Variants in TARBP1 observed in about 807,000 individuals in gnomAD.
The protein encoded by TARBP1 is tRNA guanosine 2 -O-methyltransferase TARBP1, also known as tRNA (guanosine(18)-2'-O)-methyltransferase TARBP1.
In TARBP1, 144 loss-of-function variants were observed where a neutral mutation model predicts 178.6. The ratio of observed to expected loss-of-function variants is 0.81; its 90% CI spans 0.70 to 0.93. TARBP1 has a LOEUF of 0.93. Among genes scored for constraint, TARBP1 ranks in the 40% least tolerant of loss-of-function variants. The pLI is 0.00. For missense variants in TARBP1, 2,067 were observed against 2,011.7 expected (o/e 1.03, Z -0.53); for synonymous variants, 787 against 781.0 (o/e 1.01, Z -0.13).
intron 24 of TARBP1, among the ~76,000 whole-genome samples, chr1:234,404,533 A>G (rs1661018927): frequency 6.6e-6 from 1 of 152,240 alleles, no homozygotes; most frequent in South Asian, 2.1e-4. Flanking sequence ...CCAAGGAGAA[A>G]TAAGACATTT....
intron 6 of TARBP1, among the ~76,000 whole-genome samples, chr1:234,460,675 C>T (rs1305648495): frequency 2.0e-5 from 3 of 152,118 alleles, no homozygotes; most frequent in South Asian, 2.1e-4. Context: ...CCACATGATC[C>T]GGTAATTCTA....
chr1:234,443,731 C>A (rs1278874017), intron 12 of TARBP1, among the ~76,000 whole-genome samples: 1 of 152,098 alleles, frequency 6.6e-6, no homozygotes, highest in Non-Finnish European at 1.5e-5. Flanking sequence ...GAATGGATAA[C>A]CAATTATAAT....
chr1:234,438,624 C>G (rs969296344), intron 12 of TARBP1, among the ~76,000 whole-genome samples: 2 of 152,110 alleles, frequency 1.3e-5, no homozygotes, highest in Admixed American at 6.5e-5. Flanking sequence ...AAATAAGAAG[C>G]AGAACTAGAC....
intron 9 of TARBP1, among the ~76,000 whole-genome samples, chr1:234,453,936 A>G (rs946225546): frequency 6.6e-6 from 1 of 152,182 alleles, no homozygotes; most frequent in Admixed American, 6.5e-5. Flanking sequence ...GAGACAGGCA[A>G]AACAAACGAA....
chr1:234,475,604 C>T (rs557590549), intron 1 of TARBP1, among the ~76,000 whole-genome samples: 5 of 152,322 alleles, frequency 3.3e-5, no homozygotes, highest in Non-Finnish European at 5.9e-5. Context: ...TTGGAGGCAA[C>T]GATTATTGCC....
chr1:234,477,722 A>G (rs1034803191), intron 1 of TARBP1, among the ~76,000 whole-genome samples: 8 of 152,264 alleles, frequency 5.3e-5, no homozygotes, highest in African/African-American at 1.9e-4. Flanking sequence ...GAAATTTCAG[A>G]AGAGTGTGAT....
At chr1:234,427,835 G>C in intron 17 of TARBP1, 69 bp from the exon 18 acceptor site, 3 of 1,130,824 alleles carry the variant, frequency 2.7e-6, no homozygotes, top group Non-Finnish European at 3.5e-6. Flanking sequence ...GCTAAAAACT[G>C]TTACTTAGTT....
chr1:234,396,520 A>AG (rs1659949907), intron 26 of TARBP1, among the ~76,000 whole-genome samples: 1 of 152,150 alleles, frequency 6.6e-6, no homozygotes, highest in Non-Finnish European at 1.5e-5. Context: ...ACACTGTGTT[A>AG]GGTACGTGCT....
intron 22 of TARBP1, among the ~76,000 whole-genome samples, chr1:234,414,416 T>C (rs1037903309): frequency 1.3e-5 from 2 of 152,098 alleles, no homozygotes; most frequent in African/African-American, 2.4e-5. Flanking sequence ...AAAAAAAGCC[T>C]AGCTCTAGAG....
Position 234,465,508 on chromosome 1 carries a change from A to T in TARBP1, c.1301+148T>A, listed in dbSNP as rs1043874959. On this transcript the variant is annotated intron_variant, in intron 5 of 29. Transcript: ENST00000040877. ...ATGCAAATCAGAATGCAAGAAGAAT[A>T]ACAGATAGAAAAAGGACCACATGAT... 9.6e-5 allele frequency: 62 copies of T among 647,352 alleles called. 1 individual carries two copies. The East Asian group carries it at 1.8e-3, about 19-fold the overall frequency. 40.1% of individuals were successfully genotyped at this position (647,352 alleles called of 1,614,324 possible). A position where few individuals can be genotyped will look rare whatever the true frequency, so the allele number is the denominator to read the frequency against.
intron 26 of TARBP1, among the ~76,000 whole-genome samples, chr1:234,395,460 T>C (rs1344578683): frequency 2.6e-5 from 4 of 151,868 alleles, no homozygotes; most frequent in Non-Finnish European, 5.9e-5. Context: ...GGAAGTGAAA[T>C]CGCCAAGACT....
At chr1:234,451,117 ATAT>A in intron 9 of TARBP1, among the ~76,000 whole-genome samples, 1 of 152,202 alleles carries the variant, frequency 6.6e-6, no homozygotes, top group South Asian at 2.1e-4. Context: ...AAAATACTGC[ATAT>A]TAATTTAAAA....
intron 6 of TARBP1, 77 bp downstream of exon 6, chr1:234,463,760 G>T: frequency 4.2e-6 from 3 of 720,940 alleles, no homozygotes; most frequent in Non-Finnish European, 6.5e-6. Context: ...AGTTGATGGT[G>T]CTTATAACCA....
chr1:234,463,321 G>A lies in TARBP1; in HGVS notation c.1399+516C>T, dbSNP rs145478739. Reference sequence around the variant, plus strand: ...GTATTTTTAGTGGAGACAGAGTTTCGCTGTGTTGGCCAGGTTGGTCTCGAA... The same window carrying A: ...GTATTTTTAGTGGAGACAGAGTTTCACTGTGTTGGCCAGGTTGGTCTCGAA... On this transcript the variant is annotated intron_variant, in intron 6 of 29. Transcript: ENST00000040877. Among the ~76,000 whole-genome samples, 99 of 152,116 alleles carry A rather than the reference G, an allele frequency of 6.5e-4. 1 individual carries two copies. In the East Asian group the frequency reaches 0.014, roughly 21 times the overall value.
intron 13 of TARBP1, among the ~76,000 whole-genome samples, chr1:234,435,483 TTAAA>T (rs1664915055): frequency 1.3e-5 from 2 of 152,088 alleles, no homozygotes; most frequent in South Asian, 2.1e-4. Context: ...TATTTATTTA[TTAAA>T]TAAATAAATA....
intron 12 of TARBP1, among the ~76,000 whole-genome samples, chr1:234,443,548 G>A (rs1210128520): frequency 6.6e-6 from 1 of 152,200 alleles, no homozygotes; most frequent in Non-Finnish European, 1.5e-5. Context: ...TACAGCCACT[G>A]TGGAAAAGTG....
intron 25 of TARBP1, among the ~76,000 whole-genome samples, chr1:234,399,633 C>G (rs1293729768): frequency 1.3e-5 from 2 of 151,976 alleles, no homozygotes; most frequent in Non-Finnish European, 2.9e-5. Flanking sequence ...TTGGAACCAA[C>G]CCAAATGTCC....
chr1:234,465,104 C>T (rs115349178), intron 5 of TARBP1, among the ~76,000 whole-genome samples: 2,407 of 137,824 alleles, frequency 0.017, 52 homozygotes, highest in African/African-American at 0.056. Context: ...GGATGGATGG[C>T]GGACAGACAG....
chr1:234,405,816 G>A, intron 24 of TARBP1, 87 bp downstream of exon 24: 2 of 1,283,994 alleles, frequency 1.6e-6, no homozygotes, highest in Non-Finnish European at 2.2e-6. Context: ...TGTGGAAGGA[G>A]AAGCTGACAC....
Sources: allele counts gnomAD v4.1 joint callset (sites outside exome capture counted in the v4.1 genomes callset), GRCh38; gene constraint gnomAD v4.1.1; transcripts MANE v1.5; gene names NCBI Gene and HGNC (gene_info 2026-07-23, HGNC 2026-07-21).